Variants in SOX5 observed in about 807,000 individuals in gnomAD.
The protein encoded by SOX5 is SRY-box transcription factor 5.
Under a neutral mutation model 92.0 loss-of-function variants are expected in SOX5, and 9 were observed. The ratio of observed to expected loss-of-function variants is 0.10; its 90% confidence interval spans 0.06 to 0.17. The LOEUF (loss-of-function observed/expected upper bound fraction) is 0.17. Ranked by LOEUF, SOX5 falls within the 10% of genes least tolerant of loss-of-function variation. The probability of loss-of-function intolerance (pLI) is 1.00; values close to 1 mark genes in which losing one functional copy is unlikely to be tolerated. For missense variants in SOX5, 642 were observed against 944.5 expected, an observed-to-expected ratio of 0.68 and a Z score of 4.20; for synonymous variants, 344 against 336.3, an observed-to-expected ratio of 1.02 and a Z score of -0.25.
chr12:23,970,841 A>ATATATATATATATATATTTTT lies in SOX5; in HGVS notation c.-1-74818_-1-74817insAAAAATATATATATATATATA. Among the ~76,000 whole-genome samples, 24 of 21,878 alleles carry ATATATATATATATATATTTTT rather than the reference A, an allele frequency of 1.1e-3. 6 individuals are homozygous for ATATATATATATATATATTTTT. Among genetic ancestry groups the ATATATATATATATATATTTTT allele is most frequent in the East Asian group, 5.2e-3 (6 of 1,156 alleles). 14.4% of individuals were successfully genotyped at this position (21,878 alleles called of 152,430 possible). A position where few individuals can be genotyped will look rare whatever the true frequency, so the allele number is the denominator to read the frequency against. On this transcript the variant is annotated intron_variant, in intron 4 of 4. Transcript: ENST00000446891. ...ACATGGGACTTTATATATATATATA[A>ATATATATATATATATATTTTT]TTTTTTTTTTTTTTTAAGAAATGGG...
chr12:23,997,947 T>C (rs1951191881), intron 4 of SOX5, among the ~76,000 whole-genome samples: 1 of 152,076 alleles, frequency 6.6e-6, no homozygotes, highest in South Asian at 2.1e-4. Flanking sequence ...CAACAACAAC[T>C]ACTACTATGG....
intron 9 of SOX5, among the ~76,000 whole-genome samples, chr12:23,578,144 A>AAAAAAG (rs1949512227): frequency 7.4e-6 from 1 of 134,908 alleles, no homozygotes; most frequent in Admixed American, 8.2e-5. Context: ...AAAAAAAAAA[A>AAAAAAG]AAAAAACTAT....
At chr12:24,526,216 A>C (rs1449183907) in intron 1 of SOX5, among the ~76,000 whole-genome samples, 8 of 152,158 alleles carry the variant, frequency 5.3e-5, no homozygotes, top group African/African-American at 1.9e-4. Flanking sequence ...GATGGAGGCA[A>C]ATGTGTAGTA....
At chr12:23,795,574 C>T (rs900422206) in intron 3 of SOX5, among the ~76,000 whole-genome samples, 40 of 152,026 alleles carry the variant, frequency 2.6e-4, no homozygotes, top group African/African-American at 6.0e-4. Flanking sequence ...GGGATAAGCA[C>T]GTATGTGAGT....
chr12:23,706,743 C>T (rs1188991153), intron 6 of SOX5, among the ~76,000 whole-genome samples: 1 of 151,694 alleles, frequency 6.6e-6, no homozygotes, highest in African/African-American at 2.4e-5. Flanking sequence ...TATTTTAAAA[C>T]CTTAAAATAT....
intron 2 of SOX5, among the ~76,000 whole-genome samples, chr12:23,880,674 A>G (rs1402127156): frequency 2.0e-5 from 3 of 152,160 alleles, no homozygotes; most frequent in Non-Finnish European, 4.4e-5. Context: ...TTACCTCTAT[A>G]TAAGGCACAA....
At chr12:23,742,705 C>A (rs777265702) in intron 4 of SOX5, among the ~76,000 whole-genome samples, 2 of 152,116 alleles carry the variant, frequency 1.3e-5, no homozygotes, top group Non-Finnish European at 2.9e-5. Context: ...AGAAACCTAG[C>A]CCAAGGCTGG....
intron 4 of SOX5, among the ~76,000 whole-genome samples, chr12:24,129,283 A>G (rs901173315): frequency 1.3e-5 from 2 of 152,236 alleles, no homozygotes; most frequent in African/African-American, 2.4e-5. Context: ...TGTTAAAAAC[A>G]AGTTCAGTAC....
intron 2 of SOX5, among the ~76,000 whole-genome samples, chr12:23,852,236 T>A (rs1204359712): frequency 1.3e-5 from 2 of 152,126 alleles, no homozygotes; most frequent in Non-Finnish European, 2.9e-5. Context: ...TGAGTTCTAA[T>A]TTTTTCTAAC....
chr12:23,843,148 C>G (rs1164429845), intron 3 of SOX5, among the ~76,000 whole-genome samples: 1 of 152,036 alleles, frequency 6.6e-6, no homozygotes, highest in East Asian at 1.9e-4. Flanking sequence ...ATCTGAACAG[C>G]ACTCCTCAAA....
chr12:23,578,955 AG>A (rs1291501987), intron 9 of SOX5, among the ~76,000 whole-genome samples: 13 of 152,176 alleles, frequency 8.5e-5, no homozygotes, highest in Admixed American at 7.2e-4. Flanking sequence ...AGCAAAGCAA[AG>A]CAAAGCAAAG....
At chr12:24,149,219 G>C (rs1241564534) in intron 4 of SOX5, among the ~76,000 whole-genome samples, 1 of 152,010 alleles carries the variant, frequency 6.6e-6, no homozygotes, top group Non-Finnish European at 1.5e-5. Flanking sequence ...GAAAAAATAA[G>C]TTGATTTCAT....
At chr12:23,967,288 T>C (rs1460455606) in intron 4 of SOX5, among the ~76,000 whole-genome samples, 1 of 152,090 alleles carries the variant, frequency 6.6e-6, no homozygotes, top group Non-Finnish European at 1.5e-5. Flanking sequence ...ATAGATGCAT[T>C]ACAGCATGAA....
chr12:24,320,220 T>G (rs1410990939), intron 2 of SOX5, among the ~76,000 whole-genome samples: 1 of 152,236 alleles, frequency 6.6e-6, no homozygotes, highest in African/African-American at 2.4e-5. Flanking sequence ...TTGTTTTGGT[T>G]TTCACACAAT....
intron 2 of SOX5, among the ~76,000 whole-genome samples, chr12:24,282,669 T>C (rs527941815): frequency 6.2e-4 from 95 of 152,310 alleles, no homozygotes; most frequent in African/African-American, 2.2e-3. Flanking sequence ...TGCTTTACAC[T>C]TAGATCCATT....
chr12:24,034,066 G>A (rs539502032), intron 4 of SOX5, among the ~76,000 whole-genome samples: 6 of 152,102 alleles, frequency 3.9e-5, no homozygotes, highest in Admixed American at 6.6e-5. Context: ...TCAGACTTTA[G>A]AGAAACATAA....
intron 4 of SOX5, among the ~76,000 whole-genome samples, chr12:24,113,723 G>A (rs1286996537): frequency 6.6e-6 from 1 of 152,140 alleles, no homozygotes; most frequent in East Asian, 1.9e-4. Context: ...GAATGACAAA[G>A]CAAAATCTAG....
chr12:24,331,923 T>TGTAAAGTAAAATGTAAA (rs1951379038), intron 2 of SOX5, among the ~76,000 whole-genome samples: 2 of 139,428 alleles, frequency 1.4e-5, no homozygotes, highest in Admixed American at 1.4e-4. Context: ...AAATTAAGTA[T>TGTAAAGTAAAATGTAAA]GTAAAGTAAA....
intron 8 of SOX5, among the ~76,000 whole-genome samples, chr12:23,627,736 C>T (rs1322019075): frequency 1.3e-5 from 2 of 151,942 alleles, no homozygotes; most frequent in African/African-American, 4.8e-5. Flanking sequence ...AGAGCTCAAG[C>T]TCATAACCCA....
Sources: allele counts gnomAD v4.1 joint callset (sites outside exome capture counted in the v4.1 genomes callset), GRCh38; gene constraint gnomAD v4.1.1; transcripts MANE v1.5; gene names NCBI Gene and HGNC (gene_info 2026-07-23, HGNC 2026-07-21).